PLCB4: variants seen among roughly 807,000 people sequenced by gnomAD.
The protein encoded by PLCB4 is phospholipase C beta 4, also known as 1-phosphatidylinositol 4,5-bisphosphate phosphodiesterase beta-4.
Under a neutral mutation model 178.8 loss-of-function variants are expected in PLCB4, and 77 were observed. The observed-to-expected ratio is 0.43, with a 90% CI of 0.36 to 0.52. The LOEUF is 0.52. Ranked by LOEUF, PLCB4 falls within the 20% of genes least tolerant of loss-of-function variation. PLCB4 has a pLI of 0.00. For synonymous variants in PLCB4, 496 were observed against 490.8 expected (o/e 1.01, Z -0.14); for missense variants, 1,024 against 1,453.4 (o/e 0.70, Z 4.80).
chr20:9,331,947 C>T (rs866280650), intron 4 of PLCB4, among the ~76,000 whole-genome samples: 1 of 152,156 alleles, frequency 6.6e-6, no homozygotes, highest in Admixed American at 6.6e-5. Flanking sequence ...TAAGTAGTTT[C>T]ACAAAAGGTG....
chr20:9,300,113 G>GT (rs2094686378), intron 3 of PLCB4, among the ~76,000 whole-genome samples: 1 of 152,106 alleles, frequency 6.6e-6, no homozygotes, highest in South Asian at 2.1e-4. Context: ...TTGTTGATAT[G>GT]TTTTTAGAAA....
At position 9,395,626 on chromosome 20, in the gene PLCB4, G is replaced by T. The variant is rs2038515038; in HGVS notation, c.1510+8G>T. 6.3e-7 allele frequency: 1 copy of T among 1,582,640 alleles called. No individual in the cohort carries two copies. Among genetic ancestry groups the T allele is most frequent in the Non-Finnish European group, 8.7e-7 (1 of 1,152,860 alleles). On this transcript the variant is annotated splice_region_variant and intron_variant, in intron 19 of 39. Coordinates refer to ENST00000378473, the MANE Select transcript of PLCB4 (RefSeq NM_001377142.1). ...AAGAGGAGATCGAAAGTGGTGAGCT[G>T]TTTGCTTTTATTTTAAGTTACATGC...
intron 17 of PLCB4, among the ~76,000 whole-genome samples, chr20:9,391,911 C>G (rs1320594974): frequency 6.6e-6 from 1 of 152,162 alleles, no homozygotes; most frequent in Non-Finnish European, 1.5e-5. Context: ...TGATAACACA[C>G]CCTTGATGAG....
chr20:9,320,049 G>A (rs1341227446), intron 4 of PLCB4, among the ~76,000 whole-genome samples: 3 of 152,158 alleles, frequency 2.0e-5, no homozygotes, highest in Admixed American at 1.3e-4. Flanking sequence ...TTAGAGGTGA[G>A]TGCACAGAGT....
At chr20:9,122,925 C>G (rs1037171994) in intron 2 of PLCB4, among the ~76,000 whole-genome samples, 7 of 152,040 alleles carry the variant, frequency 4.6e-5, no homozygotes, top group African/African-American at 1.4e-4. Context: ...GCATCATGGA[C>G]CTGTCTGGAT....
intron 2 of PLCB4, among the ~76,000 whole-genome samples, chr20:9,100,438 A>C (rs1418470114): frequency 6.6e-6 from 1 of 152,140 alleles, no homozygotes; most frequent in Admixed American, 6.6e-5. Flanking sequence ...CAGTGGCATG[A>C]CTGCAGCTCA....
At chr20:9,180,288 C>T (rs1255998340) in intron 2 of PLCB4, among the ~76,000 whole-genome samples, 1 of 152,218 alleles carries the variant, frequency 6.6e-6, no homozygotes, top group African/African-American at 2.4e-5. Flanking sequence ...GATCGGCTAG[C>T]TTATACTCTG....
chr20:9,311,954 T>C (rs1217864033), intron 4 of PLCB4, among the ~76,000 whole-genome samples: 1 of 152,214 alleles, frequency 6.6e-6, no homozygotes. Flanking sequence ...AAGTTTTTAA[T>C]CTTACATAAT....
chr20:9,084,517 T>TTG (rs1555813268), intron 1 of PLCB4, among the ~76,000 whole-genome samples: 3 of 151,598 alleles, frequency 2.0e-5, no homozygotes, highest in Admixed American at 6.6e-5. Context: ...ATTTTTTTTT[T>TTG]TGTGTGGGGA....
At chr20:9,296,489 A>C (rs1261927236) in intron 3 of PLCB4, among the ~76,000 whole-genome samples, 1 of 152,084 alleles carries the variant, frequency 6.6e-6, no homozygotes, top group East Asian at 1.9e-4. Context: ...ACCATTTGAC[A>C]CAGCAATCCC....
chr20:9,437,398 A>T (rs1205745821), intron 30 of PLCB4, among the ~76,000 whole-genome samples: 1 of 152,192 alleles, frequency 6.6e-6, no homozygotes, highest in South Asian at 2.1e-4. Flanking sequence ...TCTCATACTG[A>T]TAATTTTCCC....
chr20:9,329,492 G>A (rs2031302369), intron 4 of PLCB4, among the ~76,000 whole-genome samples: 1 of 152,152 alleles, frequency 6.6e-6, no homozygotes, highest in Admixed American at 6.6e-5. Context: ...AGCAATAGTA[G>A]GCATATTACT....
At chr20:9,476,471 T>C (rs2044549960) in intron 38 of PLCB4, among the ~76,000 whole-genome samples, 1 of 152,210 alleles carries the variant, frequency 6.6e-6, no homozygotes, top group Admixed American at 6.5e-5. Flanking sequence ...CTCCACTTAC[T>C]GCCACAGAAG....
At chr20:9,370,098 CT>C (rs1404426875) in intron 9 of PLCB4, among the ~76,000 whole-genome samples, 3 of 152,214 alleles carry the variant, frequency 2.0e-5, no homozygotes, top group Non-Finnish European at 1.5e-5. Flanking sequence ...AGCTTTCATT[CT>C]GAGTGGCACC....
chr20:9,296,061 T>G (rs1235924265), intron 3 of PLCB4, among the ~76,000 whole-genome samples: 1 of 152,116 alleles, frequency 6.6e-6, no homozygotes, highest in Non-Finnish European at 1.5e-5. Context: ...AGCATCAAAG[T>G]GAACAGGCAA....
At chr20:9,414,172 C>T (rs1197238886) in intron 25 of PLCB4, among the ~76,000 whole-genome samples, 1 of 152,248 alleles carries the variant, frequency 6.6e-6, no homozygotes, top group African/African-American at 2.4e-5. Flanking sequence ...TGAAAGCATA[C>T]ACCTCACCAG....
chr20:9,171,456 G>C (rs187576869), intron 2 of PLCB4, among the ~76,000 whole-genome samples: 15 of 152,162 alleles, frequency 9.9e-5, no homozygotes, highest in Non-Finnish European at 1.8e-4. Context: ...ACCATATTTT[G>C]TTAGGGCTAA....
intron 7 of PLCB4, among the ~76,000 whole-genome samples, chr20:9,346,372 T>C (rs2033795284): frequency 6.6e-6 from 1 of 152,200 alleles, no homozygotes; most frequent in Non-Finnish European, 1.5e-5. Flanking sequence ...AGAACTTACA[T>C]TAACTTAGTG....
intron 2 of PLCB4, among the ~76,000 whole-genome samples, chr20:9,124,772 A>T (rs2092066661): frequency 1.3e-5 from 2 of 152,150 alleles, no homozygotes; most frequent in Admixed American, 1.3e-4. Flanking sequence ...AGGGAGAAAT[A>T]TTCCTGATCC....
Sources: gnomAD v4.1 joint callset for allele counts (sites outside exome capture counted in the v4.1 genomes callset) on GRCh38, gnomAD v4.1.1 for gene constraint, MANE v1.5 for transcripts, NCBI Gene and HGNC (gene_info 2026-07-23, HGNC 2026-07-21) for gene names.